CCDC62: variants seen among roughly 807,000 people sequenced by gnomAD.
CCDC62 encodes coiled-coil domain-containing protein 62.
CCDC62 carries 72 observed loss-of-function variants against 80.8 expected under a neutral mutation model. The ratio of observed to expected loss-of-function variants is 0.89; its 90% CI spans 0.74 to 1.08. The LOEUF (loss-of-function observed/expected upper bound fraction) is 1.08. Among genes scored for constraint, CCDC62 ranks in the 50% least tolerant of loss-of-function variants. The pLI is 0.00. For synonymous variants in CCDC62, 286 were observed against 296.5 expected, an observed-to-expected ratio of 0.96 and a Z score of 0.36; for missense variants, 704 against 809.4, an observed-to-expected ratio of 0.87 and a Z score of 1.58.
chr12:122,822,518 T>A (rs2135597206), intron 11 of CCDC62, among the ~76,000 whole-genome samples: 1 of 148,752 alleles, frequency 6.7e-6, no homozygotes, highest in African/African-American at 2.5e-5. Flanking sequence ...CCCCATCCAC[T>A]CCCTCCCCAA....
At chr12:122,798,430 C>G (rs1181820354) in intron 8 of CCDC62, among the ~76,000 whole-genome samples, 1 of 151,882 alleles carries the variant, frequency 6.6e-6, no homozygotes, top group Non-Finnish European at 1.5e-5. Flanking sequence ...TGGTGAAACC[C>G]CATCTCTACT....
intron 5 of CCDC62, among the ~76,000 whole-genome samples, chr12:122,790,545 C>G (rs2030540029): frequency 6.6e-6 from 1 of 152,040 alleles, no homozygotes; most frequent in Non-Finnish European, 1.5e-5. Flanking sequence ...GTAGTCCCAG[C>G]TACTCGAGAG....
intron 11 of CCDC62, among the ~76,000 whole-genome samples, chr12:122,816,358 CCT>C (rs1325302800): frequency 2.0e-5 from 3 of 152,148 alleles, no homozygotes; most frequent in African/African-American, 7.2e-5. Flanking sequence ...TGCTTCTTCC[CCT>C]GTGTCTGGGG....
chr12:122,805,287 T>C (rs2031537159), intron 9 of CCDC62, among the ~76,000 whole-genome samples: 1 of 150,722 alleles, frequency 6.6e-6, no homozygotes, highest in East Asian at 1.9e-4. Context: ...ATTGTATTTT[T>C]AGGGGGAACA....
chr12:122,800,611 A>C (rs903226001), intron 8 of CCDC62, among the ~76,000 whole-genome samples: 1 of 152,012 alleles, frequency 6.6e-6, no homozygotes, highest in Admixed American at 6.6e-5. Context: ...TATATTTAGT[A>C]GATGGGGTTT....
intron 4 of CCDC62, among the ~76,000 whole-genome samples, chr12:122,787,324 G>A (rs1382392592): frequency 2.6e-5 from 4 of 152,068 alleles, no homozygotes; most frequent in South Asian, 2.1e-4. Flanking sequence ...GGTGGCACAC[G>A]CCTGTAATGC....
chr12:122,774,681 C>A lies in CCDC62; in HGVS notation c.11C>A (p.Pro4Gln), dbSNP rs1298796695. 4.0e-6 allele frequency: 5 copies of A among 1,256,182 alleles called. No homozygotes were observed. The highest frequency in any genetic ancestry group is 5.0e-6 in the Non-Finnish European group (5 of 991,416). The allele number at this position is 1,256,182 out of a possible 1,614,324, so 77.8% of individuals were successfully genotyped here. ...GCGGAGGAAACACCTATGAACCCTC[C>A]GGCAGCCTTCCTTGCCGGGCGCCAG... MNP[P>Q]AAFLAGRQNI... Residue 4 changes from proline to glutamine, a missense_variant, in exon 1 of 13, where the codon CCG becomes CAG. Pro to Gln is a moderately conservative substitution (Grantham distance 76). Coordinates refer to ENST00000253079, the MANE Select transcript of CCDC62 (RefSeq NM_201435.5).
chr12:122,776,191 A>G (rs1879442634), intron 1 of CCDC62, among the ~76,000 whole-genome samples: 1 of 152,210 alleles, frequency 6.6e-6, no homozygotes, highest in Admixed American at 6.6e-5. Flanking sequence ...CCAAGATGTT[A>G]AAATGCAGTT....
chr12:122,825,645 C>G (rs1458436148), intron 12 of CCDC62, among the ~76,000 whole-genome samples: 1 of 150,274 alleles, frequency 6.7e-6, no homozygotes, highest in Non-Finnish European at 1.5e-5. Flanking sequence ...CGTGGCCCCC[C>G]ACGCCTAGCC....
intron 10 of CCDC62, among the ~76,000 whole-genome samples, chr12:122,812,737 GAA>G (rs1415569146): frequency 8.9e-6 from 1 of 112,682 alleles, no homozygotes; most frequent in Admixed American, 1.0e-4. Flanking sequence ...AAAAAAAAAA[GAA>G]AGAGAGAGAG....
chr12:122,788,552 A>G (rs974978101), intron 4 of CCDC62, among the ~76,000 whole-genome samples: 1 of 152,210 alleles, frequency 6.6e-6, no homozygotes, highest in Non-Finnish European at 1.5e-5. Flanking sequence ...GTGGGCAAGG[A>G]ACGCAGCCTT....
intron 6 of CCDC62, among the ~76,000 whole-genome samples, chr12:122,796,908 C>T (rs753794575): frequency 2.8e-5 from 4 of 142,154 alleles, no homozygotes; most frequent in Non-Finnish European, 4.5e-5. Flanking sequence ...AGACAAAGTC[C>T]TCACTTTGTC....
Position 122,826,921 on chromosome 12 carries a change from T to C in CCDC62, c.*540T>C, listed in dbSNP as rs1000354213. The C allele has an allele frequency of 2.0e-5, 3 of 152,932 alleles. No individual in the cohort carries two copies. Among genetic ancestry groups the C allele is most frequent in the Non-Finnish European group, 4.4e-5 (3 of 68,628 alleles). 9.5% of individuals were successfully genotyped at this position (152,932 alleles called of 1,614,324 possible). A position where few individuals can be genotyped will look rare whatever the true frequency, so the allele number is the denominator to read the frequency against. On this transcript the variant is annotated 3_prime_UTR_variant, in exon 13 of 13. Coordinates refer to ENST00000253079, the MANE Select transcript of CCDC62 (RefSeq NM_201435.5). ...GCTGTGTAAATAGACATAAGGTGCT[T>C]TGATATAAAATATAAAATGTAACTG...
At chr12:122,814,384 C>T (rs574298017) in intron 11 of CCDC62, among the ~76,000 whole-genome samples, 5 of 150,936 alleles carry the variant, frequency 3.3e-5, no homozygotes, top group African/African-American at 1.2e-4. Context: ...TGACCACCAT[C>T]GATTTTATCT....
intron 11 of CCDC62, among the ~76,000 whole-genome samples, chr12:122,817,218 ATT>A (rs71085859): frequency 7.4e-6 from 1 of 134,282 alleles, no homozygotes. Flanking sequence ...CGCCTAGCTA[ATT>A]TTTTTTTTTT....
Position 122,801,337 on chromosome 12 carries a change from C to T in CCDC62, c.1191C>T (p.Ser397=), listed in dbSNP as rs2031293560. 1 of 1,614,088 alleles carries T rather than the reference C, an allele frequency of 6.2e-7. No homozygotes were observed. The highest frequency in any genetic ancestry group is 1.7e-5 in the Admixed American group (1 of 59,994). Residue 397 remains serine, a synonymous_variant, in exon 9 of 13, where the codon TCC becomes TCT. Transcript: ENST00000253079. ...FGEKSVITLS[S]IFTKDLVEKH... Reference sequence around the variant, plus strand: ...AGAAAAGTGTAATTACGCTGTCATCCATATTCACCAAAGACTTAGTAGAGA... The same window carrying T: ...AGAAAAGTGTAATTACGCTGTCATCTATATTCACCAAAGACTTAGTAGAGA...
intron 2 of CCDC62, among the ~76,000 whole-genome samples, chr12:122,779,234 G>T (rs1011467750): frequency 6.6e-5 from 10 of 152,154 alleles, no homozygotes; most frequent in Non-Finnish European, 1.5e-4. Flanking sequence ...ACCAAATTGA[G>T]ATACTATTTT....
intron 5 of CCDC62, among the ~76,000 whole-genome samples, chr12:122,789,558 G>A (rs763908050): frequency 3.3e-5 from 5 of 152,076 alleles, no homozygotes; most frequent in Non-Finnish European, 5.9e-5. Flanking sequence ...TCAGCTTCCC[G>A]AGTAGCTGGG....
At chr12:122,793,781 CTTAATT>C (rs1300024989) in intron 6 of CCDC62, among the ~76,000 whole-genome samples, 8 of 152,092 alleles carry the variant, frequency 5.3e-5, no homozygotes, top group African/African-American at 1.9e-4. Context: ...AAATGGAATT[CTTAATT>C]TTAATCTCTT....
Sources: allele counts gnomAD v4.1 joint callset (sites outside exome capture counted in the v4.1 genomes callset), GRCh38; gene constraint gnomAD v4.1.1; transcripts MANE v1.5; gene names NCBI Gene and HGNC (gene_info 2026-07-23, HGNC 2026-07-21).